The following RFX8 variants were observed in gnomAD, a reference collection of about 807,000 sequenced individuals.
The protein encoded by RFX8 is DNA-binding protein RFX8.
RFX8 carries 46 observed loss-of-function variants against 54.6 expected under a neutral mutation model. The ratio of observed to expected loss-of-function variants is 0.84; its 90% CI spans 0.67 to 1.08. The LOEUF (loss-of-function observed/expected upper bound fraction) is 1.08, where lower values mean the gene tolerates loss of function less well. RFX8 is among the 50% of genes least tolerant of loss of function. The pLI is 0.00. For missense variants in RFX8, 536 were observed against 562.3 expected, an observed-to-expected ratio of 0.95 and a Z score of 0.47; for synonymous variants, 192 against 209.5, an observed-to-expected ratio of 0.92 and a Z score of 0.72.
At chr2:101,471,038 A>G (rs1226147616) in intron 1 of RFX8, among the ~76,000 whole-genome samples, 1 of 150,674 alleles carries the variant, frequency 6.6e-6, no homozygotes, top group Non-Finnish European at 1.5e-5. Context: ...TCTTTAAAGA[A>G]AAATGTCATG....
chr2:101,455,392 A>T (rs1453394851), intron 2 of RFX8, among the ~76,000 whole-genome samples: 1 of 152,150 alleles, frequency 6.6e-6, no homozygotes, highest in Non-Finnish European at 1.5e-5. Flanking sequence ...TAATTTTTGT[A>T]TAAGGTGTAA....
At chr2:101,419,933 G>A (rs1288041538) in intron 4 of RFX8, among the ~76,000 whole-genome samples, 1 of 152,206 alleles carries the variant, frequency 6.6e-6, no homozygotes, top group East Asian at 1.9e-4. Context: ...CACCACCACA[G>A]ACCCGTCTCT....
intron 1 of RFX8, among the ~76,000 whole-genome samples, chr2:101,468,664 A>G (rs1689716282): frequency 6.6e-6 from 1 of 151,980 alleles, no homozygotes; most frequent in Admixed American, 6.6e-5. Context: ...GATGACTTCA[A>G]TTTAACTAAT....
At chr2:101,451,518 T>C (rs1688677649) in intron 2 of RFX8, among the ~76,000 whole-genome samples, 1 of 151,788 alleles carries the variant, frequency 6.6e-6, no homozygotes, top group South Asian at 2.1e-4. Flanking sequence ...TAAAATCCTG[T>C]ATCTACTAAA....
chr2:101,410,391 T>TCA (rs5832965), intron 9 of RFX8, among the ~76,000 whole-genome samples: 4,168 of 119,498 alleles, frequency 0.035, 78 homozygotes, highest in Middle Eastern at 0.064. Flanking sequence ...ATGCCCACAC[T>TCA]CACACACACA....
At chr2:101,439,522 G>A (rs148331112) in intron 2 of RFX8, among the ~76,000 whole-genome samples, 215 of 150,836 alleles carry the variant, frequency 1.4e-3, no homozygotes, top group Non-Finnish European at 2.3e-3. Context: ...TTAAGTCTAC[G>A]ATCCATTTTG....
intron 9 of RFX8, among the ~76,000 whole-genome samples, chr2:101,410,192 CAT>C (rs1686030310): frequency 6.6e-6 from 1 of 151,934 alleles, no homozygotes; most frequent in Non-Finnish European, 1.5e-5. Context: ...CTGTCACACA[CAT>C]GCTCACCTGT....
intron 2 of RFX8, among the ~76,000 whole-genome samples, chr2:101,436,098 T>A (rs957572993): frequency 1.2e-4 from 18 of 151,788 alleles, no homozygotes; most frequent in African/African-American, 4.1e-4. Context: ...AGCAGACGGG[T>A]GTGGAGGGAG....
intron 5 of RFX8, among the ~76,000 whole-genome samples, chr2:101,418,103 G>A (rs1686642404): frequency 6.6e-6 from 1 of 152,012 alleles, no homozygotes; most frequent in Non-Finnish European, 1.5e-5. Flanking sequence ...TCTTGGCCAG[G>A]CTGGTCTCGA....
chr2:101,472,264 G>T (rs1482386970), intron 1 of RFX8, among the ~76,000 whole-genome samples: 2 of 152,094 alleles, frequency 1.3e-5, no homozygotes, highest in African/African-American at 4.8e-5. Context: ...ACCACACCCA[G>T]CTAATTTTTG....
In RFX8 at chr2:101,410,629, A is replaced by T; in HGVS notation, c.803T>A (p.Phe268Tyr). 6.5e-7 allele frequency: 1 copy of T among 1,526,732 alleles called. No homozygotes were observed. The highest frequency in any genetic ancestry group is 2.5e-5 in the East Asian group (1 of 40,740). 94.6% of individuals were successfully genotyped at this position (1,526,732 alleles called of 1,614,324 possible). Reference sequence around the variant, plus strand: ...GTCACAGCTTCCTACCTGGAACACAAATGCTTGGAGATGTGAAGACAGACA... The same window carrying T: ...GTCACAGCTTCCTACCTGGAACACATATGCTTGGAGATGTGAAGACAGACA... ...LSCLSSHLQA[F>Y]VFQTSRSKEE... is the part of the protein sequence containing the mutation. The change falls in exon 9 of 12, where the codon TTT becomes TAT. Residue 268 changes from phenylalanine to tyrosine, a missense_variant. Phe to Tyr is a conservative substitution (Grantham distance 22). Transcript: ENST00000428343.
chr2:101,455,304 T>C (rs1192878811), intron 2 of RFX8, among the ~76,000 whole-genome samples: 1 of 152,094 alleles, frequency 6.6e-6, no homozygotes, highest in African/African-American at 2.4e-5. Flanking sequence ...TGAGCCACCA[T>C]GCCTGGCTTG....
Position 101,417,579 on chromosome 2 carries a change from C to CATT in RFX8, c.454_456dup (p.Asn152dup). 6.4e-7 allele frequency: 1 copy of CATT among 1,551,678 alleles called. No homozygotes were observed. On this transcript the variant is annotated inframe_insertion, in exon 6 of 12. Transcript: ENST00000428343. ...AAGAGGGCTGGAACACCTTCCAAAG[C>CATT]ATTAAGGAGCCACAGCTTAAATTTC...
chr2:101,400,755 A>G (rs755120607), intron 11 of RFX8, among the ~76,000 whole-genome samples: 11 of 152,160 alleles, frequency 7.2e-5, no homozygotes, highest in Non-Finnish European at 1.3e-4. Context: ...TTTCACTTGG[A>G]GCTGAACACT....
At chr2:101,415,659 T>C (rs757983052) in intron 6 of RFX8, among the ~76,000 whole-genome samples, 1 of 152,254 alleles carries the variant, frequency 6.6e-6, no homozygotes, top group Non-Finnish European at 1.5e-5. Flanking sequence ...AGAACACTCG[T>C]GCAGTGTTTG....
chr2:101,453,289 ATAAATAAAAAG>A (rs1688798483), intron 2 of RFX8, among the ~76,000 whole-genome samples: 2 of 139,998 alleles, frequency 1.4e-5, no homozygotes, highest in Non-Finnish European at 3.0e-5. Context: ...AAAAAAATAA[ATAAATAAAAAG>A]AGAGAAAAAA....
At chr2:101,457,109 A>G (rs1689014972) in intron 2 of RFX8, among the ~76,000 whole-genome samples, 1 of 152,094 alleles carries the variant, frequency 6.6e-6, no homozygotes, top group East Asian at 1.9e-4. Context: ...CTTCTTTATT[A>G]GTCTTGCTAG....
chr2:101,412,982 A>G lies in RFX8; in HGVS notation c.651T>C (p.Thr217=). The change falls in exon 8 of 12, where the codon ACT becomes ACC. Residue 217 remains threonine (T), a synonymous_variant. Coordinates refer to ENST00000428343, the MANE Select transcript of RFX8 (RefSeq NM_001145664.2). ...GGTCACTTGCCAGGGCTTTCTTAGA[A>G]GTAGCCAAAGTGCCTTGATTGATGA... is the stretch of plus-strand genomic sequence containing the variant. ...QAIINQGTLA[T]SKKALASDRS... 2.6e-6 allele frequency: 4 copies of G among 1,551,964 alleles called. No homozygotes were observed. The highest frequency in any genetic ancestry group is 2.6e-6 in the Non-Finnish European group (3 of 1,147,040).
chr2:101,469,330 AT>A (rs1248990909), intron 1 of RFX8, among the ~76,000 whole-genome samples: 3 of 134,822 alleles, frequency 2.2e-5, no homozygotes, highest in South Asian at 2.4e-4. Context: ...TTAAAAAAAA[AT>A]TTTTGTAGAG....
Sources: allele counts gnomAD v4.1 joint callset (sites outside exome capture counted in the v4.1 genomes callset), GRCh38; gene constraint gnomAD v4.1.1; transcripts MANE v1.5; gene names NCBI Gene and HGNC (gene_info 2026-07-23, HGNC 2026-07-21).